MAGI2: variants seen among roughly 807,000 people sequenced by gnomAD.
MAGI2 encodes the protein membrane associated guanylate kinase, WW and PDZ domain containing 2.
A neutral mutation model predicts 133.3 loss-of-function variants in MAGI2; 35 were observed. That is an observed-to-expected ratio of 0.26 (90% CI 0.20 to 0.35). The LOEUF is 0.35. MAGI2 is among the 10% of genes least tolerant of loss of function. The probability of loss-of-function intolerance (pLI) is 1.00; values close to 1 mark genes in which losing one functional copy is unlikely to be tolerated. For missense variants in MAGI2, 1,636 were observed against 1,863.4 expected, an observed-to-expected ratio of 0.88 and a Z score of 2.25; for synonymous variants, 729 against 710.6, an observed-to-expected ratio of 1.03 and a Z score of -0.41.
chr7:78,964,113 C>T (rs899590330), intron 2 of MAGI2, among the ~76,000 whole-genome samples: 2 of 151,784 alleles, frequency 1.3e-5, no homozygotes, highest in Non-Finnish European at 2.9e-5. Flanking sequence ...CCTTCTAATA[C>T]ATTTATAAAA....
chr7:79,082,304 CAT>C (rs1212916859), intron 1 of MAGI2, among the ~76,000 whole-genome samples: 1 of 152,036 alleles, frequency 6.6e-6, no homozygotes, highest in Non-Finnish European at 1.5e-5. Context: ...AATCCAAGGT[CAT>C]AAAGATTTAC....
At chr7:78,823,819 G>C (rs1333917225) in intron 2 of MAGI2, among the ~76,000 whole-genome samples, 2 of 151,818 alleles carry the variant, frequency 1.3e-5, no homozygotes, top group East Asian at 3.9e-4. Flanking sequence ...AAGTCCAATT[G>C]GTGCTTTTTC....
At chr7:78,934,418 T>C (rs576023746) in intron 2 of MAGI2, among the ~76,000 whole-genome samples, 2 of 152,276 alleles carry the variant, frequency 1.3e-5, no homozygotes, top group South Asian at 4.1e-4. Flanking sequence ...CACATTTTTT[T>C]CCACTGTATT....
intron 9 of MAGI2, among the ~76,000 whole-genome samples, chr7:78,304,934 G>C (rs561833828): frequency 2.7e-4 from 41 of 152,304 alleles, no homozygotes; most frequent in African/African-American, 7.9e-4. Flanking sequence ...CAGGAGACCA[G>C]TGTGTGTGGA....
chr7:78,337,231 G>GAA (rs2151167771), intron 9 of MAGI2, among the ~76,000 whole-genome samples: 1 of 152,270 alleles, frequency 6.6e-6, no homozygotes, highest in South Asian at 2.1e-4. Flanking sequence ...TTAATAACCA[G>GAA]AACTCAGAAG....
At chr7:78,460,733 C>G (rs1376507481) in intron 6 of MAGI2, among the ~76,000 whole-genome samples, 1 of 152,138 alleles carries the variant, frequency 6.6e-6, no homozygotes, top group Non-Finnish European at 1.5e-5. Flanking sequence ...ATGGAGGTTG[C>G]TAGGTGGAGG....
Position 78,138,302 on chromosome 7 carries a change from C to G in MAGI2, c.2846-3096G>C, listed in dbSNP as rs921102549. ...TGGAAGTCAGGAACTTTGTCTGAAGCAGGTTCTTTGCTGCAGTTGTCTTTT... is the reference window on the plus strand; with the variant it reads ...TGGAAGTCAGGAACTTTGTCTGAAGGAGGTTCTTTGCTGCAGTTGTCTTTT... On this transcript the variant is annotated intron_variant, in intron 16 of 21. Transcript: ENST00000354212. Among the ~76,000 whole-genome samples the G allele has an allele frequency of 2.0e-5, 3 of 152,240 alleles. No individual in the cohort carries two copies. In the South Asian group the frequency reaches 6.2e-4, roughly 32 times the overall value.
chr7:78,321,238 T>A lies in MAGI2; in HGVS notation c.1408+22540A>T, dbSNP rs182757355. Among the ~76,000 whole-genome samples, 1,125 of 152,204 alleles carry A rather than the reference T, an allele frequency of 7.4e-3. 16 individuals are homozygous for A. Among genetic ancestry groups the A allele is most frequent in the African/African-American group, 0.026 (1,077 of 41,540 alleles). On this transcript the variant is annotated intron_variant, in intron 9 of 21. Transcript: ENST00000354212. ...CAATGCCATCCCCATCAAGCTACCA[T>A]TGACTTTCTTCACAGAATTGGAAAA...
intron 2 of MAGI2, among the ~76,000 whole-genome samples, chr7:78,761,248 T>C (rs111601581): frequency 2.6e-5 from 4 of 152,206 alleles, no homozygotes; most frequent in African/African-American, 7.2e-5. Context: ...TCCCAGGACA[T>C]GCAAGGCATG....
At chr7:78,676,535 T>C (rs1247606470) in intron 2 of MAGI2, among the ~76,000 whole-genome samples, 1 of 152,138 alleles carries the variant, frequency 6.6e-6, no homozygotes, top group Non-Finnish European at 1.5e-5. Context: ...TTAAAGTATA[T>C]ATCTGTATGG....
chr7:79,261,134 G>A lies in MAGI2; in HGVS notation c.301+191886C>T, dbSNP rs1306755750. ...TATGGTCATGTTTCAGTATAGAACA[G>A]TCAAAATCATAGAGGTTAATCAACA... On this transcript the variant is annotated intron_variant, in intron 1 of 21. Coordinates refer to ENST00000354212, the MANE Select transcript of MAGI2 (RefSeq NM_012301.4). Among the ~76,000 whole-genome samples, 10 of 152,358 alleles carry A rather than the reference G, an allele frequency of 6.6e-5. 1 individual carries two copies. In the East Asian group the frequency reaches 1.7e-3, roughly 26 times the overall value.
At chr7:78,420,086 C>T (rs1457016680) in intron 6 of MAGI2, among the ~76,000 whole-genome samples, 2 of 152,112 alleles carry the variant, frequency 1.3e-5, no homozygotes, top group Admixed American at 6.6e-5. Flanking sequence ...TATGCCACAA[C>T]GATTTAGGGT....
At chr7:78,702,742 C>T (rs1423217868) in intron 2 of MAGI2, among the ~76,000 whole-genome samples, 1 of 151,858 alleles carries the variant, frequency 6.6e-6, no homozygotes, top group Non-Finnish European at 1.5e-5. Context: ...TTATAAATTC[C>T]AGGAGCATTT....
chr7:78,843,993 T>TTA (rs201881157), intron 2 of MAGI2, among the ~76,000 whole-genome samples: 1,849 of 146,918 alleles, frequency 0.013, 50 homozygotes, highest in Admixed American at 0.056. Flanking sequence ...TATATATTAT[T>TTA]TATATATATA....
chr7:78,365,488 G>C (rs1476392326), intron 7 of MAGI2, among the ~76,000 whole-genome samples: 1 of 152,158 alleles, frequency 6.6e-6, no homozygotes, highest in Non-Finnish European at 1.5e-5. Context: ...ATAATGTGTG[G>C]TTCTGGATAA....
intron 6 of MAGI2, among the ~76,000 whole-genome samples, chr7:78,417,891 G>T (rs925398832): frequency 3.9e-5 from 6 of 152,134 alleles, no homozygotes; most frequent in Non-Finnish European, 7.4e-5. Context: ...CCCCATTGAT[G>T]GCAAGTTTCA....
At chr7:79,355,232 A>C (rs1345110800) in intron 1 of MAGI2, among the ~76,000 whole-genome samples, 1 of 152,214 alleles carries the variant, frequency 6.6e-6, no homozygotes, top group African/African-American at 2.4e-5. Flanking sequence ...GCAGCATAAA[A>C]GAAGACATAT....
At chr7:78,698,527 T>C (rs574763303) in intron 2 of MAGI2, among the ~76,000 whole-genome samples, 5 of 152,358 alleles carry the variant, frequency 3.3e-5, no homozygotes, top group East Asian at 1.9e-4. Flanking sequence ...TAGGAACTTA[T>C]GTGTCGGTAC....
chr7:78,365,754 G>T (rs1793311364), intron 7 of MAGI2, among the ~76,000 whole-genome samples: 1 of 152,202 alleles, frequency 6.6e-6, no homozygotes, highest in African/African-American at 2.4e-5. Context: ...GTAGGGTAAA[G>T]TCAGTTATAG....
Sources: allele counts gnomAD v4.1 joint callset (sites outside exome capture counted in the v4.1 genomes callset), GRCh38; gene constraint gnomAD v4.1.1; transcripts MANE v1.5; gene names NCBI Gene and HGNC (gene_info 2026-07-23, HGNC 2026-07-21).